The following DPP10 variants were observed in gnomAD, a reference collection of about 807,000 sequenced individuals.
The protein encoded by DPP10 is dipeptidyl peptidase like 10.
DPP10 carries 33 observed loss-of-function variants against 120.9 expected under a neutral mutation model. The ratio of observed to expected loss-of-function variants is 0.27; its 90% CI spans 0.21 to 0.37. The LOEUF (loss-of-function observed/expected upper bound fraction) is 0.37. DPP10 is among the 10% of genes least tolerant of loss of function. DPP10 has a pLI of 1.00. For synonymous variants in DPP10, 337 were observed against 326.1 expected (o/e 1.03, Z -0.36); for missense variants, 816 against 942.8 (o/e 0.87, Z 1.76).
At chr2:114,873,684 A>G (rs1202374482) in intron 1 of DPP10, among the ~76,000 whole-genome samples, 1 of 141,624 alleles carries the variant, frequency 7.1e-6, no homozygotes, top group African/African-American at 2.6e-5. Flanking sequence ...AAAAAACGTC[A>G]GCAGAACTTA....
At chr2:114,663,985 G>GT (rs1385726826) in intron 1 of DPP10, among the ~76,000 whole-genome samples, 1 of 151,942 alleles carries the variant, frequency 6.6e-6, no homozygotes, top group Admixed American at 6.6e-5. Flanking sequence ...GGGAAGGAGC[G>GT]TAAGTGTGCA....
In DPP10 at chr2:114,689,040, G is replaced by A. The variant is rs563481803; in HGVS notation, c.60+246202G>A. On this transcript the variant is annotated intron_variant, in intron 1 of 25. Coordinates refer to ENST00000410059, the MANE Select transcript of DPP10 (RefSeq NM_020868.6). ...TATTGCTCAGTCCAGCTTCCCCTCCGTGGTTTGTTTTTTTTTAATTTCTAG... is the reference window on the plus strand; with the variant it reads ...TATTGCTCAGTCCAGCTTCCCCTCCATGGTTTGTTTTTTTTTAATTTCTAG... 2.4e-4 allele frequency among the ~76,000 whole-genome samples: 36 copies of A among 151,320 alleles called. No homozygotes were observed. The South Asian group carries it at 7.1e-3, about 30-fold the overall frequency.
At chr2:114,523,193 G>T (rs1387869990) in intron 1 of DPP10, among the ~76,000 whole-genome samples, 1 of 152,208 alleles carries the variant, frequency 6.6e-6, no homozygotes, top group Non-Finnish European at 1.5e-5. Flanking sequence ...CCCATAGAGA[G>T]TTCTGGAGCA....
At chr2:115,803,023 T>TA (rs1016730332) in intron 19 of DPP10, among the ~76,000 whole-genome samples, 16 of 152,148 alleles carry the variant, frequency 1.1e-4, no homozygotes, top group South Asian at 2.1e-4. Flanking sequence ...CTAATGTTGA[T>TA]AGTGGGCTGT....
intron 5 of DPP10, among the ~76,000 whole-genome samples, chr2:115,646,987 A>G (rs1486047192): frequency 6.6e-6 from 1 of 152,146 alleles, no homozygotes; most frequent in Non-Finnish European, 1.5e-5. Context: ...AGGAAGTAAG[A>G]TAGTCATTCT....
At chr2:115,210,162 C>T (rs1156662894) in intron 1 of DPP10, among the ~76,000 whole-genome samples, 2 of 152,142 alleles carry the variant, frequency 1.3e-5, no homozygotes, top group South Asian at 2.1e-4. Flanking sequence ...TAATGCTATC[C>T]CTCCCTCCTC....
intron 5 of DPP10, among the ~76,000 whole-genome samples, chr2:115,563,092 G>A (rs539527756): frequency 1.3e-5 from 2 of 152,248 alleles, no homozygotes; most frequent in East Asian, 1.9e-4. Context: ...GAACATCATG[G>A]GCAAAGTATG....
intron 1 of DPP10, among the ~76,000 whole-genome samples, chr2:114,952,431 G>A (rs1697864047): frequency 6.6e-6 from 1 of 152,100 alleles, no homozygotes. Context: ...TGATGTGTTA[G>A]GATGTGCAGT....
At chr2:115,667,018 C>T (rs952406288) in intron 5 of DPP10, among the ~76,000 whole-genome samples, 3 of 152,112 alleles carry the variant, frequency 2.0e-5, no homozygotes, top group African/African-American at 7.2e-5. Flanking sequence ...TTGTAAGTTT[C>T]CTGAGACCTC....
At chr2:115,474,448 G>A (rs1448460) in intron 3 of DPP10, among the ~76,000 whole-genome samples, 147,471 of 152,192 alleles carry the variant, frequency 0.97, 71,624 homozygotes, top group East Asian at 1. Flanking sequence ...GCGTGAGAAC[G>A]GACTAATACA....
chr2:115,816,178 G>T (rs1451741783), intron 21 of DPP10, among the ~76,000 whole-genome samples: 2 of 151,878 alleles, frequency 1.3e-5, no homozygotes, highest in East Asian at 3.9e-4. Flanking sequence ...TCCAGAGAGG[G>T]GAAACAGTAA....
At chr2:115,453,061 A>G (rs1298242083) in intron 3 of DPP10, among the ~76,000 whole-genome samples, 2 of 151,700 alleles carry the variant, frequency 1.3e-5, no homozygotes, top group East Asian at 3.9e-4. Flanking sequence ...ACTTACTAGG[A>G]ATATCTGTTG....
intron 1 of DPP10, among the ~76,000 whole-genome samples, chr2:115,227,548 C>A (rs1395775603): frequency 6.6e-6 from 1 of 152,196 alleles, no homozygotes; most frequent in Non-Finnish European, 1.5e-5. Context: ...TTAGCCCAAA[C>A]TCCCTCTTGC....
Position 114,561,402 on chromosome 2 carries a change from C to T in DPP10, c.60+118564C>T, listed in dbSNP as rs146039019. 2.0e-3 allele frequency among the ~76,000 whole-genome samples: 309 copies of T among 152,070 alleles called. No homozygotes were observed. In the Middle Eastern group the frequency reaches 0.027, roughly 13 times the overall value. On this transcript the variant is annotated intron_variant, in intron 1 of 25. Transcript: ENST00000410059. ...ACATGCACACACCACATACACATACCACATACATCTGCACACATGTGCACA... is the reference window on the plus strand; with the variant it reads ...ACATGCACACACCACATACACATACTACATACATCTGCACACATGTGCACA...
At chr2:114,700,224 T>C (rs1352359079) in intron 1 of DPP10, among the ~76,000 whole-genome samples, 1 of 152,008 alleles carries the variant, frequency 6.6e-6, no homozygotes, top group Non-Finnish European at 1.5e-5. Flanking sequence ...ACTGTTTTTG[T>C]TGGAGAATCA....
chr2:115,738,832 C>A (rs1676918910), intron 8 of DPP10, among the ~76,000 whole-genome samples: 2 of 152,202 alleles, frequency 1.3e-5, no homozygotes, highest in Admixed American at 6.5e-5. Flanking sequence ...CAAGTGTTGG[C>A]ACATTCAACA....
intron 1 of DPP10, among the ~76,000 whole-genome samples, chr2:114,481,969 A>T (rs1573455742): frequency 6.7e-6 from 1 of 149,906 alleles, no homozygotes; most frequent in South Asian, 2.1e-4. Context: ...GGAGAGAGAG[A>T]GAGAGGAGAG....
chr2:115,334,800 T>C (rs752454565), intron 2 of DPP10, among the ~76,000 whole-genome samples: 8 of 152,000 alleles, frequency 5.3e-5, no homozygotes, highest in Non-Finnish European at 8.8e-5. Context: ...AGACAATAGC[T>C]AAAAGTAAAT....
At chr2:115,716,737 A>G (rs1335850855) in intron 7 of DPP10, among the ~76,000 whole-genome samples, 2 of 148,010 alleles carry the variant, frequency 1.4e-5, no homozygotes, top group African/African-American at 5.3e-5. Context: ...AACAAACACT[A>G]TTTATTCATT....
Sources: allele counts gnomAD v4.1 joint callset (sites outside exome capture counted in the v4.1 genomes callset), GRCh38; gene constraint gnomAD v4.1.1; transcripts MANE v1.5; gene names NCBI Gene and HGNC (gene_info 2026-07-23, HGNC 2026-07-21).